The following ASB8 variants were observed in gnomAD, a reference collection of about 807,000 sequenced individuals.
The protein encoded by ASB8 is ankyrin repeat and SOCS box containing 8.
Under a neutral mutation model 22.9 loss-of-function variants are expected in ASB8, and 15 were observed. The observed-to-expected ratio is 0.66, with a 90% CI of 0.44 to 1.01. The LOEUF (loss-of-function observed/expected upper bound fraction) is 1.01, where lower values mean the gene tolerates loss of function less well. Among genes scored for constraint, ASB8 ranks in the 50% least tolerant of loss-of-function variants. The pLI is 0.00. For missense variants in ASB8, 294 were observed against 356.9 expected, an observed-to-expected ratio of 0.82 and a Z score of 1.42; for synonymous variants, 124 against 140.8, an observed-to-expected ratio of 0.88 and a Z score of 0.84.
At chr12:48,154,686 C>T (rs545075825) in intron 1 of ASB8, among the ~76,000 whole-genome samples, 90 of 152,028 alleles carry the variant, frequency 5.9e-4, no homozygotes, top group African/African-American at 2.0e-3. Context: ...ACCTGTAATC[C>T]CAGCACTTTG....
chr12:48,156,389 TG>T (rs1951305228), intron 1 of ASB8, among the ~76,000 whole-genome samples: 1 of 151,910 alleles, frequency 6.6e-6, no homozygotes, highest in African/African-American at 2.4e-5. Context: ...ATAATTTTTT[TG>T]TTTCAAGGAA....
intron 1 of ASB8, among the ~76,000 whole-genome samples, chr12:48,154,664 G>A (rs769465570): frequency 2.0e-4 from 31 of 152,076 alleles, no homozygotes; most frequent in Non-Finnish European, 3.4e-4. Flanking sequence ...AAGGTGGGGC[G>A]TGGTGGCTCA....
intron 2 of ASB8, among the ~76,000 whole-genome samples, chr12:48,152,643 A>T (rs529512954): frequency 6.6e-5 from 10 of 152,162 alleles, no homozygotes; most frequent in Non-Finnish European, 1.3e-4. Flanking sequence ...GTAAGTAAAA[A>T]ATCTCTCCAT....
intron 1 of ASB8, among the ~76,000 whole-genome samples, chr12:48,154,632 T>C (rs1163435212): frequency 6.6e-6 from 1 of 151,664 alleles, no homozygotes; most frequent in African/African-American, 2.4e-5. Flanking sequence ...TTAGGAAAAT[T>C]TGCAGATTTT....
At chr12:48,152,697 TA>T (rs1951222930) in intron 2 of ASB8, 1 of 151,924 alleles carries the variant, frequency 6.6e-6, no homozygotes, top group African/African-American at 2.4e-5. Context: ...CACAAGGATT[TA>T]AAAACCACCT....
intron 3 of ASB8, among the ~76,000 whole-genome samples, chr12:48,150,371 G>T (rs527432017): frequency 4.6e-5 from 7 of 152,338 alleles, no homozygotes; most frequent in South Asian, 2.1e-4. Context: ...CTGGAAAGCT[G>T]CTTGACTATA....
rs1230537562 is a variant in ASB8 at position 48,150,356 on chromosome 12, CA to C, written c.235-359del. Among the ~76,000 whole-genome samples, 5 of 152,336 alleles carry C rather than the reference CA, an allele frequency of 3.3e-5. No homozygotes were observed. In the East Asian group the frequency reaches 7.7e-4, roughly 23 times the overall value. On this transcript the variant is annotated intron_variant, in intron 3 of 3. Coordinates refer to ENST00000317697, the MANE Select transcript of ASB8 (RefSeq NM_024095.5). ...CTAAGTCCCCGTAACTGCTCTGAAA[CA>C]TTACTGGAAAGCTGCTTGACTATAC...
intron 1 of ASB8, among the ~76,000 whole-genome samples, chr12:48,155,729 CAAAA>C (rs1219893101): frequency 5.6e-5 from 6 of 107,780 alleles, no homozygotes; most frequent in East Asian, 3.0e-4. Context: ...GACTCCATCT[CAAAA>C]AAAAAAAAAA....
Position 48,151,247 on chromosome 12 carries a change from A to G in ASB8, c.188T>C (p.Val63Ala). 1 of 1,614,216 alleles carries G rather than the reference A, an allele frequency of 6.2e-7. No individual in the cohort carries two copies. The highest frequency in any genetic ancestry group is 8.5e-7 in the Non-Finnish European group (1 of 1,180,020). The part of the protein sequence containing the change: ...TLKPLHCACM[V>A]SDADCVELLL... ...TAACTCCACACAGTCAGCATCTGAC[A>G]CCATACAGGCACAGTGCAAGGGCTT... The change falls in exon 3 of 4, where the codon GTG (valine) becomes GCG (alanine). Residue 63 changes from valine to alanine, a missense_variant. Transcript: ENST00000317697.
At position 48,151,203 on chromosome 12, in the gene ASB8, C is replaced by A; in HGVS notation, c.232G>T (p.Glu78Ter). 2 of 1,606,152 alleles carry A rather than the reference C, an allele frequency of 1.2e-6. No individual in the cohort carries two copies. Among genetic ancestry groups the A allele is most frequent in the Non-Finnish European group, 1.7e-6 (2 of 1,172,704 alleles). ...CVELLLEKGA[E>*]VNALDGYNRT... is the part of the protein sequence containing the mutation. ...TGTGAATGTGTTAAAAACATTACCT[C>A]GGCTCCTTTTTCCAGAAGTAACTCC... The change falls in exon 3 of 4, where the codon GAG (glutamate) becomes TAG (stop). Residue 78 changes from glutamate to a stop codon, truncating the protein, a stop_gained and splice_region_variant. Transcript: ENST00000317697. LOFTEE classifies it high-confidence loss of function.
At chr12:48,154,744 C>A (rs561532231) in intron 1 of ASB8, among the ~76,000 whole-genome samples, 1 of 152,080 alleles carries the variant, frequency 6.6e-6, no homozygotes, top group Admixed American at 6.6e-5. Flanking sequence ...TCGAGACCAG[C>A]CTTACCAACA....
At chr12:48,152,131 G>A (rs191103265) in intron 2 of ASB8, among the ~76,000 whole-genome samples, 5,260 of 146,094 alleles carry the variant, frequency 0.036, 133 homozygotes, top group Non-Finnish European at 0.055. Context: ...CAGCCTGGGC[G>A]ACGAGCGAAA....
chr12:48,153,485 A>C lies in ASB8; in HGVS notation c.12T>G (p.Ser4Arg). MSS[S>R]MWYIMQSIQS... ...GAATGCTCTGCATAATATACCACAT[A>C]CTGGAACTCATCAAGGCTCAAGGTG... is the stretch of plus-strand genomic sequence containing the variant. Residue 4 changes from serine (S) to arginine (R), a missense_variant, in exon 2 of 4, where the codon AGT becomes AGG. Coordinates refer to ENST00000317697, the MANE Select transcript of ASB8 (RefSeq NM_024095.5). 6.2e-7 allele frequency: 1 copy of C among 1,613,910 alleles called. No individual in the cohort carries two copies. Among genetic ancestry groups the C allele is most frequent in the East Asian group, 2.2e-5 (1 of 44,878 alleles).
chr12:48,153,027 C>T (rs1465756081), intron 2 of ASB8: 1 of 202,416 alleles, frequency 4.9e-6, no homozygotes, highest in African/African-American at 2.3e-5. Context: ...TAAAAACCAC[C>T]TCTGCTTTGC....
chr12:48,150,060 A>G (rs1951175003), intron 3 of ASB8, 62 bp from the exon 4 acceptor site: 1 of 1,551,670 alleles, frequency 6.4e-7, no homozygotes, highest in Admixed American at 1.7e-5. Context: ...GGACAGCAGC[A>G]AAGAAGCTTG....
Position 48,149,245 on chromosome 12 carries a change from G to C in ASB8, c.*121C>G. On this transcript the variant is annotated 3_prime_UTR_variant, in exon 4 of 4. Transcript: ENST00000317697. ...ATGGAGGTTATTGTTGTGACATGTTGCTTCGAAATCTATAAACCACACAAC... is the reference window on the plus strand; with the variant it reads ...ATGGAGGTTATTGTTGTGACATGTTCCTTCGAAATCTATAAACCACACAAC... 1 of 1,098,516 alleles carries C rather than the reference G, an allele frequency of 9.1e-7. No homozygotes were observed. Among genetic ancestry groups the C allele is most frequent in the Non-Finnish European group, 1.3e-6 (1 of 782,954 alleles). The allele number at this position is 1,098,516 out of a possible 1,614,324, so 68.0% of individuals were successfully genotyped here.
chr12:48,154,673 C>G (rs963312190), intron 1 of ASB8, among the ~76,000 whole-genome samples: 2 of 152,058 alleles, frequency 1.3e-5, no homozygotes, highest in Non-Finnish European at 1.5e-5. Flanking sequence ...CGTGGTGGCT[C>G]ACACCTGTAA....
chr12:48,149,236 T>G lies in ASB8; in HGVS notation c.*130A>C. ...GGAGGTGCTATGGAGGTTATTGTTG[T>G]GACATGTTGCTTCGAAATCTATAAA... On this transcript the variant is annotated 3_prime_UTR_variant, in exon 4 of 4. Coordinates refer to ENST00000317697, the MANE Select transcript of ASB8 (RefSeq NM_024095.5). 2 of 1,010,304 alleles carry G rather than the reference T, an allele frequency of 2.0e-6. No homozygotes were observed. Among genetic ancestry groups the G allele is most frequent in the Non-Finnish European group, 2.8e-6 (2 of 706,416 alleles). The allele number at this position is 1,010,304 out of a possible 1,614,324, so 62.6% of individuals were successfully genotyped here.
Position 48,149,303 on chromosome 12 carries a change from G to A in ASB8, c.*63C>T. On this transcript the variant is annotated 3_prime_UTR_variant, in exon 4 of 4. Transcript: ENST00000317697. ...ACTGTTTTTCTGTTTTCTGTGACAA[G>A]GAGTACTGCAGGGACAACCTCACCC... 6.8e-7 allele frequency: 1 copy of A among 1,475,494 alleles called. No homozygotes were observed. Among genetic ancestry groups the A allele is most frequent in the Non-Finnish European group, 9.2e-7 (1 of 1,085,078 alleles). The allele number at this position is 1,475,494 out of a possible 1,614,324, so 91.4% of individuals were successfully genotyped here.
Sources: allele counts gnomAD v4.1 joint callset (sites outside exome capture counted in the v4.1 genomes callset), GRCh38; gene constraint gnomAD v4.1.1; transcripts MANE v1.5; gene names NCBI Gene and HGNC (gene_info 2026-07-23, HGNC 2026-07-21).